The following C9 variants were observed in gnomAD, a reference collection of about 807,000 sequenced individuals.
C9 encodes complement C9.
Under a neutral mutation model 65.4 loss-of-function variants are expected in C9, and 63 were observed. That is an observed-to-expected ratio of 0.96 (90% confidence interval 0.79 to 1.19). The LOEUF (loss-of-function observed/expected upper bound fraction) is 1.19. Among genes scored for constraint, C9 ranks in the 50% most tolerant of loss-of-function variants. The probability of loss-of-function intolerance (pLI) is 0.00; values close to 1 mark genes in which losing one functional copy is unlikely to be tolerated. For synonymous variants in C9, 229 were observed against 227.9 expected, an observed-to-expected ratio of 1.00 and a Z score of -0.04; for missense variants, 744 against 670.1, an observed-to-expected ratio of 1.11 and a Z score of -1.22.
At position 39,341,376 on chromosome 5, in the gene C9, C is replaced by A. The variant is rs1359204334; in HGVS notation, c.329-83G>T. ...CTGAAGTTATCAAATGCATTTTAACCCTGGAGGTGAGGTATCAGAAAAACA... is the reference window on the plus strand; with the variant it reads ...CTGAAGTTATCAAATGCATTTTAACACTGGAGGTGAGGTATCAGAAAAACA... On this transcript the variant is annotated intron_variant, in intron 3 of 10. Coordinates refer to ENST00000263408, the MANE Select transcript of C9 (RefSeq NM_001737.5). 10 of 1,532,620 alleles carry A rather than the reference C, an allele frequency of 6.5e-6. 1 individual carries two copies. Among genetic ancestry groups the A allele is most frequent in the Middle Eastern group, 1.7e-4 (1 of 5,902 alleles). The allele number at this position is 1,532,620 out of a possible 1,614,324, so 94.9% of individuals were successfully genotyped here. A position where few individuals can be genotyped will look rare whatever the true frequency, so the allele number is the denominator to read the frequency against.
intron 3 of C9, 31 bp from the exon 4 acceptor site, chr5:39,341,324 A>T (rs775455341): frequency 6.2e-7 from 1 of 1,611,596 alleles, no homozygotes; most frequent in Non-Finnish European, 8.5e-7. Flanking sequence ...GACTCAATGT[A>T]TCTAATGTCA....
At chr5:39,311,472 T>A in intron 6 of C9, 95 bp from the exon 7 acceptor site, 1 of 1,252,316 alleles carries the variant, frequency 8.0e-7, no homozygotes, top group South Asian at 1.2e-5. Flanking sequence ...AGGCACTAAA[T>A]GTTTTAGCAG....
chr5:39,356,886 G>A (rs1561356871), intron 1 of C9, among the ~76,000 whole-genome samples: 1 of 152,180 alleles, frequency 6.6e-6, no homozygotes, highest in East Asian at 1.9e-4. Flanking sequence ...TTACCCTGCT[G>A]TGCTATTAGG....
intron 9 of C9, among the ~76,000 whole-genome samples, chr5:39,295,868 A>G (rs945787955): frequency 1.3e-5 from 2 of 151,698 alleles, no homozygotes; most frequent in Non-Finnish European, 3.0e-5. Flanking sequence ...AGAGAACCGG[A>G]AATTAATATA....
chr5:39,351,779 G>C (rs185541), intron 1 of C9, among the ~76,000 whole-genome samples: 1 of 152,072 alleles, frequency 6.6e-6, no homozygotes, highest in Admixed American at 6.6e-5. Flanking sequence ...CACTCAACAA[G>C]TCTCTAGGAA....
At position 39,359,098 on chromosome 5, in the gene C9, G is replaced by GTATA. The variant is rs1375624632; in HGVS notation, c.77+5289_77+5290insTATA. 2.0e-3 allele frequency among the ~76,000 whole-genome samples: 196 copies of GTATA among 96,524 alleles called. 4 individuals carry two copies. Among genetic ancestry groups the GTATA allele is most frequent in the Admixed American group, 4.0e-3 (38 of 9,504 alleles). The allele number at this position is 96,524 out of a possible 152,430, so 63.3% of individuals were successfully genotyped here. On this transcript the variant is annotated intron_variant, in intron 1 of 10. Transcript: ENST00000263408. Reference sequence around the variant, plus strand: ...TGTGTGTATATATATATGTGTGTGTGTGTGTATATATATATATATATATAT... The same window carrying GTATA: ...TGTGTGTATATATATATGTGTGTGTGTATATGTGTATATATATATATATATATAT...
chr5:39,346,553 C>T (rs1579875623), intron 1 of C9, among the ~76,000 whole-genome samples: 1 of 152,140 alleles, frequency 6.6e-6, no homozygotes, highest in Non-Finnish European at 1.5e-5. Flanking sequence ...AAAAAAAGTC[C>T]AGGACCAGAT....
intron 1 of C9, among the ~76,000 whole-genome samples, chr5:39,362,091 T>C (rs1754532293): frequency 2.0e-5 from 3 of 152,320 alleles, no homozygotes; most frequent in African/African-American, 7.2e-5. Context: ...GAAAACCTTA[T>C]TAGACAGATG....
In C9 at chr5:39,356,265, G is replaced by A. The variant is rs190770194; in HGVS notation, c.77+8123C>T. Among the ~76,000 whole-genome samples, 233 of 152,240 alleles carry A rather than the reference G, an allele frequency of 1.5e-3. 5 individuals are homozygous for A. Among genetic ancestry groups the A allele is most frequent in the African/African-American group, 5.2e-3 (214 of 41,542 alleles). ...AAAGTTGAACAGTTAGTAGAAAACT[G>A]GGTCTAGACTCGACAACTCTTAGCT... On this transcript the variant is annotated intron_variant, in intron 1 of 10. Coordinates refer to ENST00000263408, the MANE Select transcript of C9 (RefSeq NM_001737.5).
At chr5:39,364,297 A>T in intron 1 of C9, 91 bp downstream of exon 1, 1 of 765,834 alleles carries the variant, frequency 1.3e-6, no homozygotes, top group Non-Finnish European at 2.4e-6. Context: ...CATGTGGATT[A>T]ACATTGTCAT....
intron 1 of C9, among the ~76,000 whole-genome samples, chr5:39,354,843 ATACT>A (rs966330970): frequency 2.4e-4 from 37 of 152,348 alleles, no homozygotes; most frequent in Non-Finnish European, 3.1e-4. Flanking sequence ...AAGTGAGTAA[ATACT>A]TAATTAAATG....
intron 1 of C9, among the ~76,000 whole-genome samples, chr5:39,356,114 T>C (rs1380768151): frequency 1.3e-5 from 2 of 152,228 alleles, no homozygotes; most frequent in Non-Finnish European, 2.9e-5. Flanking sequence ...TTCATTTTAC[T>C]AGACAATTTT....
intron 9 of C9, among the ~76,000 whole-genome samples, chr5:39,290,372 T>C (rs1753066640): frequency 6.6e-6 from 1 of 151,762 alleles, no homozygotes; most frequent in South Asian, 2.1e-4. Flanking sequence ...CTGTTAGAAA[T>C]AGAGGCACTT....
intron 1 of C9, among the ~76,000 whole-genome samples, chr5:39,354,777 G>A (rs183658211): frequency 1.3e-5 from 2 of 152,238 alleles, no homozygotes; most frequent in East Asian, 1.9e-4. Flanking sequence ...GTAACCCCCT[G>A]CATAGCTAAT....
At chr5:39,316,159 T>G in intron 5 of C9, 130 bp from the exon 6 acceptor site, 1 of 709,128 alleles carries the variant, frequency 1.4e-6, no homozygotes, top group Non-Finnish European at 2.3e-6. Context: ...AGAGCAAAAG[T>G]GATGGAGTCA....
Position 39,306,607 on chromosome 5 carries a change from C to T in C9, c.1416+10G>A, listed in dbSNP as rs1196010776. On this transcript the variant is annotated intron_variant, in intron 9 of 10. Coordinates refer to ENST00000263408, the MANE Select transcript of C9 (RefSeq NM_001737.5). The stretch of plus-strand genomic sequence containing the variant: ...ACAGTCTTCTGTTTGAAAATAAACA[C>T]GTTTCTTACTTTTTGACTAATGAGA... The T allele has an allele frequency of 7.5e-6, 12 of 1,603,232 alleles. No homozygotes were observed. The South Asian group carries it at 1.2e-4, about 16-fold the overall frequency.
chr5:39,307,746 A>C (rs1422413594), intron 8 of C9, among the ~76,000 whole-genome samples: 1 of 152,196 alleles, frequency 6.6e-6, no homozygotes, highest in Non-Finnish European at 1.5e-5. Flanking sequence ...TAATATTTAT[A>C]CCAAACATAT....
intron 1 of C9, among the ~76,000 whole-genome samples, chr5:39,344,969 G>C (rs190824607): frequency 3.7e-4 from 56 of 152,288 alleles, no homozygotes; most frequent in Non-Finnish European, 6.8e-4. Context: ...ACAAGCAAAT[G>C]CAGAGAGATT....
intron 4 of C9, among the ~76,000 whole-genome samples, chr5:39,335,934 ACT>A (rs1037598881): frequency 6.6e-6 from 1 of 151,846 alleles, no homozygotes; most frequent in African/African-American, 2.4e-5. Flanking sequence ...GTCTTCAGAT[ACT>A]CTGTTTGTCT....
Sources: allele counts gnomAD v4.1 joint callset (sites outside exome capture counted in the v4.1 genomes callset), GRCh38; gene constraint gnomAD v4.1.1; transcripts MANE v1.5; gene names NCBI Gene and HGNC (gene_info 2026-07-23, HGNC 2026-07-21).